LAMA3: variants seen among roughly 807,000 people sequenced by gnomAD.
The protein encoded by LAMA3 is laminin subunit alpha 3.
A neutral mutation model predicts 402.0 loss-of-function variants in LAMA3; 281 were observed. The observed-to-expected ratio is 0.70, with a 90% confidence interval of 0.63 to 0.77. LAMA3 has a LOEUF of 0.77. LAMA3 is among the 30% of genes least tolerant of loss of function. The probability of loss-of-function intolerance (pLI) is 0.00; values close to 1 mark genes in which losing one functional copy is unlikely to be tolerated. For synonymous variants in LAMA3, 1,431 were observed against 1,558.4 expected (o/e 0.92, Z 1.93); for missense variants, 3,840 against 4,215.5 (o/e 0.91, Z 2.47).
Position 23,871,437 on chromosome 18 carries a change from T to G in LAMA3, c.4774T>G (p.Phe1592Val). ...HGRVHVVEGN[F>V]RHASSRAPVS... ...TTTCTGTTTCCATGTGTAGGGAAAC[T>G]TCAGACATGCCAGCAGCCGTGCCCC... Residue 1592 changes from phenylalanine to valine, a missense_variant, in exon 38 of 75, where the codon TTC becomes GTC. Coordinates refer to ENST00000313654, the MANE Select transcript of LAMA3 (RefSeq NM_198129.4). 1 of 1,613,840 alleles carries G rather than the reference T, an allele frequency of 6.2e-7. No homozygotes were observed. The highest frequency in any genetic ancestry group is 1.1e-5 in the South Asian group (1 of 91,060).
chr18:23,927,256 G>A (rs1195702111), intron 62 of LAMA3, among the ~76,000 whole-genome samples: 2 of 152,228 alleles, frequency 1.3e-5, no homozygotes, highest in South Asian at 2.1e-4. Flanking sequence ...TGCAACCTCC[G>A]CCTCCCGGGT....
At chr18:23,953,132 T>C in intron 74 of LAMA3, 23 bp downstream of exon 74, 2 of 1,613,266 alleles carry the variant, frequency 1.2e-6, no homozygotes, top group East Asian at 2.2e-5. Flanking sequence ...CTGACTTCTA[T>C]AATGTGTTGC....
At chr18:23,953,333 T>G (rs1270983761) in intron 74 of LAMA3, among the ~76,000 whole-genome samples, 1 of 148,472 alleles carries the variant, frequency 6.7e-6, no homozygotes, top group Non-Finnish European at 1.5e-5. Flanking sequence ...TTGTTTTTTT[T>G]TTTTGTTTTT....
Position 23,899,126 on chromosome 18 carries a change from TA to T in LAMA3, c.5836+65del. On this transcript the variant is annotated intron_variant, in intron 46 of 74. Transcript: ENST00000313654. ...TGGTTACATAACCTTCATTGTACAC[TA>T]AAAGAATTCCCTTTAAGATTTCAAC... 4 of 1,354,314 alleles carry T rather than the reference TA, an allele frequency of 3.0e-6. 1 individual carries two copies. In the South Asian group the frequency reaches 3.6e-5, roughly 12 times the overall value. 83.9% of individuals were successfully genotyped at this position (1,354,314 alleles called of 1,614,324 possible). A position where few individuals can be genotyped will look rare whatever the true frequency, so the allele number is the denominator to read the frequency against.
In LAMA3 at chr18:23,689,884, G is replaced by A. The variant is rs1286644871; in HGVS notation, c.201G>A (p.Gly67=). Residue 67 remains glycine (G), a synonymous_variant, in exon 1 of 75, where the codon GGG becomes GGA. Transcript: ENST00000313654. ...GGATTTGGGCCACCGCCACCTGCGG[G>A]GAGAGGGGACCCGGCGAGGGGAGGC... The part of the protein sequence containing the change: ...AARIWATATC[G]ERGPGEGRPQ... 1.3e-6 allele frequency: 2 copies of A among 1,542,250 alleles called. No homozygotes were observed. Among genetic ancestry groups the A allele is most frequent in the Admixed American group, 3.9e-5 (2 of 51,074 alleles).
chr18:23,858,355 G>A (rs984518984), intron 33 of LAMA3, among the ~76,000 whole-genome samples: 2 of 152,176 alleles, frequency 1.3e-5, no homozygotes, highest in African/African-American at 4.8e-5. Context: ...GGTTGTAGGA[G>A]ACCTTCCAAT....
intron 74 of LAMA3, among the ~76,000 whole-genome samples, chr18:23,953,384 C>T (rs1204641968): frequency 6.7e-6 from 1 of 149,256 alleles, no homozygotes; most frequent in Non-Finnish European, 1.5e-5. Flanking sequence ...CTCTGTTGCC[C>T]AGGCTGGAGA....
intron 1 of LAMA3, among the ~76,000 whole-genome samples, chr18:23,708,170 A>G (rs1255259756): frequency 6.6e-6 from 1 of 152,108 alleles, no homozygotes; most frequent in Non-Finnish European, 1.5e-5. Context: ...GCGGTCTGAC[A>G]TACCACCTAT....
chr18:23,832,091 A>G (rs1253675759), intron 23 of LAMA3, among the ~76,000 whole-genome samples: 3 of 152,216 alleles, frequency 2.0e-5, no homozygotes, highest in African/African-American at 7.2e-5. Context: ...CAGGTAATCC[A>G]TATAATTTAG....
intron 35 of LAMA3, 56 bp downstream of exon 35, chr18:23,861,863 T>C (rs956097732): frequency 3.9e-6 from 6 of 1,521,674 alleles, no homozygotes; most frequent in East Asian, 2.4e-5. Context: ...TATTGCTGCA[T>C]GAGCATCATT....
At chr18:23,829,086 A>G (rs1389052253) in intron 23 of LAMA3, among the ~76,000 whole-genome samples, 7 of 152,214 alleles carry the variant, frequency 4.6e-5, no homozygotes, top group Admixed American at 3.9e-4. Context: ...ATGAATAGGC[A>G]CACCTAGGGA....
At chr18:23,746,194 T>C (rs2061649541) in intron 2 of LAMA3, among the ~76,000 whole-genome samples, 1 of 152,192 alleles carries the variant, frequency 6.6e-6, no homozygotes, top group African/African-American at 2.4e-5. Context: ...AGCACTTTTT[T>C]CAAGATCAAA....
intron 12 of LAMA3, among the ~76,000 whole-genome samples, chr18:23,799,109 C>T (rs2062821849): frequency 6.6e-6 from 1 of 152,220 alleles, no homozygotes; most frequent in Non-Finnish European, 1.5e-5. Context: ...TACATTTAAT[C>T]CTGGAAGGTA....
intron 39 of LAMA3, among the ~76,000 whole-genome samples, chr18:23,880,333 C>A (rs1439028851): frequency 6.6e-6 from 1 of 152,128 alleles, no homozygotes; most frequent in African/African-American, 2.4e-5. Context: ...TCCACATGCT[C>A]TGAAATACTA....
At chr18:23,819,095 C>G (rs2063231983) in intron 18 of LAMA3, among the ~76,000 whole-genome samples, 1 of 151,572 alleles carries the variant, frequency 6.6e-6, no homozygotes, top group Non-Finnish European at 1.5e-5. Context: ...GGAGCATGGC[C>G]TTTTATTTCC....
chr18:23,857,863 G>A lies in LAMA3; in HGVS notation c.4156G>A (p.Gly1386Arg). 1 of 1,614,222 alleles carries A rather than the reference G, an allele frequency of 6.2e-7. No individual in the cohort carries two copies. Among genetic ancestry groups the A allele is most frequent in the Non-Finnish European group, 8.5e-7 (1 of 1,180,034 alleles). ...GTACAGATGCAAGCCCAGAATCACA[G>A]GGCGGCAGTGTGACCGATGTGCTTC... ...GQCRCKPRITGRQCDRCASGF... is the reference protein window; with the variant it reads ...GQCRCKPRITRRQCDRCASGF... The change falls in exon 33 of 75, where the codon GGG (glycine) becomes AGG (arginine). Residue 1386 changes from glycine to arginine, a missense_variant. This residue lies in a region of LAMA3 where 2,109 missense variants were observed against 2,376.0 expected (regional missense o/e 0.89). Transcript: ENST00000313654.
intron 50 of LAMA3, 127 bp from the exon 51 acceptor site, chr18:23,904,425 GT>G (rs1201551362): frequency 9.0e-7 from 1 of 1,115,090 alleles, no homozygotes; most frequent in Non-Finnish European, 1.3e-6. Context: ...ATTTTATTTT[GT>G]TTTTTTCCAT....
At chr18:23,899,669 G>T in intron 47 of LAMA3, 3 of 390,352 alleles carry the variant, frequency 7.7e-6, no homozygotes, top group Admixed American at 4.2e-5. Flanking sequence ...ATCATGCAAA[G>T]AAAAAAAAAA....
At chr18:23,721,064 G>C (rs1056856683) in intron 2 of LAMA3, among the ~76,000 whole-genome samples, 1 of 152,040 alleles carries the variant, frequency 6.6e-6, no homozygotes, top group Admixed American at 6.6e-5. Context: ...AGGCTAAGGT[G>C]GGAGGACTGC....
Sources: gnomAD v4.1 joint callset for allele counts (sites outside exome capture counted in the v4.1 genomes callset) on GRCh38, gnomAD v4.1.1 for gene constraint, gnomAD v4.1.1 regional missense constraint, MANE v1.5 for transcripts, NCBI Gene and HGNC (gene_info 2026-07-23, HGNC 2026-07-21) for gene names.